N4BP1: variants seen among roughly 807,000 people sequenced by gnomAD.
N4BP1 encodes the protein NEDD4-binding protein 1.
Under a neutral mutation model 70.9 loss-of-function variants are expected in N4BP1, and 21 were observed. That is an observed-to-expected ratio of 0.30 (90% CI 0.21 to 0.43). The LOEUF is 0.43. Ranked by LOEUF, N4BP1 falls within the 20% of genes least tolerant of loss-of-function variation. The pLI, the probability that N4BP1 is intolerant of heterozygous loss-of-function variation, is 1.00. For missense variants in N4BP1, 936 were observed against 1,069.4 expected (o/e 0.88, Z 1.74); for synonymous variants, 387 against 394.6 (o/e 0.98, Z 0.23).
At chr16:48,584,230 C>T (rs558042754) in intron 1 of N4BP1, among the ~76,000 whole-genome samples, 2 of 152,312 alleles carry the variant, frequency 1.3e-5, no homozygotes, top group South Asian at 4.1e-4. Context: ...AGATGAGACA[C>T]CTCAAGAAAA....
In N4BP1 at chr16:48,560,880, G is replaced by A. The variant is rs753125536; in HGVS notation, c.1763C>T (p.Ser588Phe). The A allele has an allele frequency of 3.1e-6, 5 of 1,613,948 alleles. No homozygotes were observed. Among genetic ancestry groups the A allele is most frequent in the Non-Finnish European group, 3.4e-6 (4 of 1,179,882 alleles). The change falls in exon 2 of 7, where the codon TCC (serine) becomes TTC (phenylalanine). Residue 588 changes from serine (S) to phenylalanine (F), a missense_variant. Ser to Phe is a radical substitution (Grantham distance 155, BLOSUM62 -2). This residue lies in a region of N4BP1 where 515 missense variants were observed against 491.7 expected (regional missense o/e 1.05). Transcript: ENST00000262384. ...AAACCTTTGAACCCCAGTAACTGAG[G>A]AATCAATATGATCAGAAGGTCCTGC... is the stretch of plus-strand genomic sequence containing the variant. Reference protein sequence around the residue: ...RSAGPSDHIDSSVTGVQRFRD... With the variant: ...RSAGPSDHIDFSVTGVQRFRD...
At chr16:48,580,026 C>A (rs2151095393) in intron 1 of N4BP1, among the ~76,000 whole-genome samples, 1 of 151,974 alleles carries the variant, frequency 6.6e-6, no homozygotes, top group East Asian at 1.9e-4. Context: ...ATCAACACAC[C>A]ACTTTCAGTT....
At chr16:48,572,329 C>A (rs1964030342) in intron 1 of N4BP1, among the ~76,000 whole-genome samples, 3 of 152,072 alleles carry the variant, frequency 2.0e-5, no homozygotes, top group Admixed American at 2.0e-4. Flanking sequence ...TTTCAAAAGT[C>A]CCACAAGAAA....
At chr16:48,590,397 G>C (rs1964317565) in intron 1 of N4BP1, among the ~76,000 whole-genome samples, 1 of 152,176 alleles carries the variant, frequency 6.6e-6, no homozygotes, top group South Asian at 2.1e-4. Context: ...ACAGCCAGCT[G>C]TGTGTGAATT....
At position 48,542,720 on chromosome 16, in the gene N4BP1, T is replaced by G; in HGVS notation, c.*184A>C. 2.0e-6 allele frequency: 1 copy of G among 491,266 alleles called. No homozygotes were observed. The highest frequency in any genetic ancestry group is 3.5e-6 in the Non-Finnish European group (1 of 281,766). The allele number at this position is 491,266 out of a possible 1,614,324, so 30.4% of individuals were successfully genotyped here. A position where few individuals can be genotyped will look rare whatever the true frequency, so the allele number is the denominator to read the frequency against. On this transcript the variant is annotated 3_prime_UTR_variant, in exon 7 of 7. Transcript: ENST00000262384. ...GTTAAATCTGTAATAGCAGCATAAT[T>G]TATATATAGAAAAAAGCTGGTTTTG...
Position 48,557,420 on chromosome 16 carries a change from C to G in N4BP1, c.1889+3334G>C, listed in dbSNP as rs568758422. The stretch of plus-strand genomic sequence containing the variant: ...GGGCCCAAATCTCTATCCATGTAAC[C>G]CTGGAAAACATTTTTAAGCCACTTC... On this transcript the variant is annotated intron_variant, in intron 2 of 6. Transcript: ENST00000262384. Among the ~76,000 whole-genome samples the G allele has an allele frequency of 7.0e-4, 106 of 152,214 alleles. 1 individual carries two copies. Among genetic ancestry groups the G allele is most frequent in the African/African-American group, 2.4e-3 (100 of 41,542 alleles).
intron 1 of N4BP1, among the ~76,000 whole-genome samples, chr16:48,563,781 G>A (rs1161636811): frequency 6.6e-6 from 1 of 152,196 alleles, no homozygotes; most frequent in Non-Finnish European, 1.5e-5. Context: ...GAGCCACTGT[G>A]CCTGGCTGAT....
intron 4 of N4BP1, among the ~76,000 whole-genome samples, 192 bp from the exon 5 acceptor site, chr16:48,548,306 C>T (rs1442262073): frequency 3.9e-5 from 6 of 152,138 alleles, no homozygotes; most frequent in South Asian, 2.1e-4. Flanking sequence ...AAATTATTAG[C>T]GTGATTACAA....
chr16:48,606,613 G>A (rs1396495605), intron 1 of N4BP1, among the ~76,000 whole-genome samples: 1 of 152,198 alleles, frequency 6.6e-6, no homozygotes, highest in African/African-American at 2.4e-5. Flanking sequence ...CTGGTACAGA[G>A]TCAGTGCCTG....
intron 1 of N4BP1, among the ~76,000 whole-genome samples, chr16:48,571,448 C>T (rs930700882): frequency 5.3e-5 from 8 of 152,120 alleles, no homozygotes; most frequent in Admixed American, 2.0e-4. Context: ...AAAGCACCCA[C>T]GCTGGAACAA....
chr16:48,600,114 T>C lies in N4BP1; in HGVS notation c.198+9661A>G, dbSNP rs958522463. 7 of 408,404 alleles carry C rather than the reference T, an allele frequency of 1.7e-5. No individual in the cohort carries two copies. In the South Asian group the frequency reaches 2.0e-4, roughly 12 times the overall value. 25.3% of individuals were successfully genotyped at this position (408,404 alleles called of 1,614,324 possible). Reference sequence around the variant, plus strand: ...ACATACTGTGAATTAAATATGCTGATTCTTCTCAAGCTTGGCATTTGGTTG... The same window carrying C: ...ACATACTGTGAATTAAATATGCTGACTCTTCTCAAGCTTGGCATTTGGTTG... On this transcript the variant is annotated intron_variant, in intron 1 of 6. Coordinates refer to ENST00000262384, the MANE Select transcript of N4BP1 (RefSeq NM_153029.4).
chr16:48,601,708 T>A (rs1379953627), intron 1 of N4BP1, among the ~76,000 whole-genome samples: 1 of 151,720 alleles, frequency 6.6e-6, no homozygotes, highest in Non-Finnish European at 1.5e-5. Flanking sequence ...AGGTTTTTTG[T>A]GGTTTTTTTT....
Position 48,541,219 on chromosome 16 carries a change from G to A in N4BP1, c.*1685C>T, listed in dbSNP as rs1047410427. 1.3e-5 allele frequency: 2 copies of A among 152,288 alleles called. No individual in the cohort carries two copies. Among genetic ancestry groups the A allele is most frequent in the Non-Finnish European group, 1.5e-5 (1 of 68,072 alleles). The allele number at this position is 152,288 out of a possible 1,614,324, so 9.4% of individuals were successfully genotyped here. ...CATGAGCCAGAAGGCCAGAATCACT[G>A]CAAGACAGCTCCAGCCCGCACACCT... On this transcript the variant is annotated 3_prime_UTR_variant, in exon 7 of 7. Coordinates refer to ENST00000262384, the MANE Select transcript of N4BP1 (RefSeq NM_153029.4).
Position 48,541,567 on chromosome 16 carries a change from T to G in N4BP1, c.*1337A>C, listed in dbSNP as rs1373206344. 1 of 152,370 alleles carries G rather than the reference T, an allele frequency of 6.6e-6. No homozygotes were observed. The highest frequency in any genetic ancestry group is 1.5e-5 in the Non-Finnish European group (1 of 68,178). 9.4% of individuals were successfully genotyped at this position (152,370 alleles called of 1,614,324 possible). A position where few individuals can be genotyped will look rare whatever the true frequency, so the allele number is the denominator to read the frequency against. ...CCCCTCACCATTTACAAACCAGCAC[T>G]GAGTTCTCAGCCTCCGCTCCTCAGG... is the stretch of plus-strand genomic sequence containing the variant. On this transcript the variant is annotated 3_prime_UTR_variant, in exon 7 of 7. Coordinates refer to ENST00000262384, the MANE Select transcript of N4BP1 (RefSeq NM_153029.4).
At chr16:48,590,355 T>C (rs1289641369) in intron 1 of N4BP1, among the ~76,000 whole-genome samples, 1 of 152,068 alleles carries the variant, frequency 6.6e-6, no homozygotes, top group African/African-American at 2.4e-5. Context: ...GGGGAGAGGG[T>C]TTTGAGTAAT....
At position 48,539,347 on chromosome 16, in the gene N4BP1, C is replaced by CA. The variant is rs1417357157; in HGVS notation, c.*3556dup. The stretch of plus-strand genomic sequence containing the variant: ...AGTGGGAGTAGCGGGCAGGGGCCAG[C>CA]AAAGCACGAGGGCAGAGCAGGGGAC... On this transcript the variant is annotated 3_prime_UTR_variant, in exon 7 of 7. Coordinates refer to ENST00000262384, the MANE Select transcript of N4BP1 (RefSeq NM_153029.4). 5.9e-5 allele frequency: 9 copies of CA among 152,528 alleles called. No homozygotes were observed. The highest frequency in any genetic ancestry group is 1.9e-4 in the African/African-American group (8 of 41,406). The allele number at this position is 152,528 out of a possible 1,614,324, so 9.4% of individuals were successfully genotyped here.
intron 6 of N4BP1, among the ~76,000 whole-genome samples, chr16:48,545,198 C>G (rs752207082): frequency 3.5e-4 from 53 of 151,854 alleles, no homozygotes; most frequent in Non-Finnish European, 6.3e-4. Flanking sequence ...CTCCTGACCT[C>G]AAGTTATCTA....
At chr16:48,586,620 T>A (rs959592852) in intron 1 of N4BP1, among the ~76,000 whole-genome samples, 11 of 152,326 alleles carry the variant, frequency 7.2e-5, no homozygotes, top group African/African-American at 2.6e-4. Context: ...AGCCAGTAAT[T>A]TATCCTTTTC....
chr16:48,543,273 A>C lies in N4BP1; in HGVS notation c.2334-12T>G, dbSNP rs374908200. 4.3e-5 allele frequency: 64 copies of C among 1,503,344 alleles called. No homozygotes were observed. Among genetic ancestry groups the C allele is most frequent in the African/African-American group, 2.8e-5 (2 of 71,484 alleles). The allele number at this position is 1,503,344 out of a possible 1,614,324, so 93.1% of individuals were successfully genotyped here. A position where few individuals can be genotyped will look rare whatever the true frequency, so the allele number is the denominator to read the frequency against. On this transcript the variant is annotated splice_polypyrimidine_tract_variant and intron_variant, in intron 6 of 6. Coordinates refer to ENST00000262384, the MANE Select transcript of N4BP1 (RefSeq NM_153029.4). ...GGGGCTGCATATCTCTGTGAATGGAAGTGAGTCCTGGTGAGTTGGGTTATA... is the reference window on the plus strand; with the variant it reads ...GGGGCTGCATATCTCTGTGAATGGACGTGAGTCCTGGTGAGTTGGGTTATA...
Sources: allele counts gnomAD v4.1 joint callset (sites outside exome capture counted in the v4.1 genomes callset), GRCh38; gene constraint gnomAD v4.1.1; regional missense constraint gnomAD v4.1.1; transcripts MANE v1.5; gene names NCBI Gene and HGNC (gene_info 2026-07-23, HGNC 2026-07-21).